Variants in JAM3 observed in about 807,000 individuals in gnomAD.
The protein encoded by JAM3 is junctional adhesion molecule 3.
A neutral mutation model predicts 39.4 loss-of-function variants in JAM3; 31 were observed. The ratio of observed to expected loss-of-function variants is 0.79; its 90% CI spans 0.59 to 1.06. The LOEUF is 1.06. JAM3 is among the 50% of genes least tolerant of loss of function. The pLI is 0.00. For synonymous variants in JAM3, 182 were observed against 148.7 expected (o/e 1.22, Z -1.63); for missense variants, 455 against 391.4 (o/e 1.16, Z -1.37).
chr11:134,093,489 A>G (rs1591777441), intron 1 of JAM3, among the ~76,000 whole-genome samples: 1 of 129,348 alleles, frequency 7.7e-6, no homozygotes, highest in South Asian at 2.6e-4. Context: ...ATCATGTTCC[A>G]TCTTACATGT....
chr11:134,141,668 G>C (rs1281071098), intron 3 of JAM3, among the ~76,000 whole-genome samples: 1 of 152,116 alleles, frequency 6.6e-6, no homozygotes, highest in Non-Finnish European at 1.5e-5. Flanking sequence ...CTTCTGCAGA[G>C]TCCGGGAGAG....
rs567764980 is a variant in JAM3, at chr11:134,088,030, T to C, written c.76+18871T>C. Among the ~76,000 whole-genome samples, 16 of 152,322 alleles carry C rather than the reference T, an allele frequency of 1.1e-4. 1 individual carries two copies. The South Asian group carries it at 3.3e-3, about 32-fold the overall frequency. On this transcript the variant is annotated intron_variant, in intron 1 of 8. Transcript: ENST00000299106. ...TGCCCCATGGGTGGCAGTATCCCAG[T>C]TGGGAACCACTGCTGTAAGACAGGA...
chr11:134,072,362 CAGCTCACTGCAA>C (rs1390071965), intron 1 of JAM3, among the ~76,000 whole-genome samples: 1 of 145,214 alleles, frequency 6.9e-6, no homozygotes, highest in Admixed American at 6.8e-5. Context: ...GGCATGAGCT[CAGCTCACTGCAA>C]AACTCACTGC....
intron 1 of JAM3, among the ~76,000 whole-genome samples, chr11:134,080,400 C>T (rs2120590591): frequency 6.6e-6 from 1 of 152,230 alleles, no homozygotes; most frequent in East Asian, 1.9e-4. Context: ...GCTCTGTGTC[C>T]CCACCCAAAT....
In JAM3 at chr11:134,125,675, G is replaced by T. The variant is rs116792405; in HGVS notation, c.77-14176G>T. ...GCTGAATCGGTGTTGAGAACGTGCT[G>T]TGAGACGCAGCACAGAATGTGAGCC... On this transcript the variant is annotated intron_variant, in intron 1 of 8. Transcript: ENST00000299106. Among the ~76,000 whole-genome samples, 666 of 152,278 alleles carry T rather than the reference G, an allele frequency of 4.4e-3. 2 individuals are homozygous for T. Among genetic ancestry groups the T allele is most frequent in the African/African-American group, 0.015 (610 of 41,560 alleles).
chr11:134,089,100 CGAATT>C (rs1164404091), intron 1 of JAM3, among the ~76,000 whole-genome samples: 1 of 152,122 alleles, frequency 6.6e-6, no homozygotes, highest in African/African-American at 2.4e-5. Context: ...TAGAGGATCT[CGAATT>C]GAATGTCTGT....
At chr11:134,116,937 G>A (rs1942445419) in intron 1 of JAM3, among the ~76,000 whole-genome samples, 1 of 151,982 alleles carries the variant, frequency 6.6e-6, no homozygotes, top group Non-Finnish European at 1.5e-5. Flanking sequence ...AAACTTGGCT[G>A]TCATTACCTA....
At chr11:134,122,645 C>G (rs1251134854) in intron 1 of JAM3, among the ~76,000 whole-genome samples, 2 of 152,174 alleles carry the variant, frequency 1.3e-5, no homozygotes, top group African/African-American at 4.8e-5. Flanking sequence ...TTTTTAATCT[C>G]AAAAGAACCT....
rs79530353 is a variant in JAM3, at chr11:134,133,083, G to A, written c.77-6768G>A. On this transcript the variant is annotated intron_variant, in intron 1 of 8. Coordinates refer to ENST00000299106, the MANE Select transcript of JAM3 (RefSeq NM_032801.5). Reference sequence around the variant, plus strand: ...TTTTACTTGTTGTCAAGATGGATGAGGGTTTCCAAGCTGTTTGCATGCTAG... The same window carrying A: ...TTTTACTTGTTGTCAAGATGGATGAAGGTTTCCAAGCTGTTTGCATGCTAG... 5.2e-3 allele frequency among the ~76,000 whole-genome samples: 795 copies of A among 152,282 alleles called. 4 individuals are homozygous for A. The highest frequency in any genetic ancestry group is 0.014 in the Middle Eastern group (4 of 294).
At chr11:134,069,248 G>A (rs1163098231) in intron 1 of JAM3, 89 bp downstream of exon 1, 2 of 1,515,180 alleles carry the variant, frequency 1.3e-6, no homozygotes, top group Non-Finnish European at 8.9e-7. Context: ...CGGTCCGGGC[G>A]AGGATAGCGG....
intron 1 of JAM3, among the ~76,000 whole-genome samples, chr11:134,113,745 C>G (rs1233224293): frequency 6.6e-6 from 1 of 152,166 alleles, no homozygotes; most frequent in African/African-American, 2.4e-5. Flanking sequence ...ATTTCTAGTT[C>G]TAGATCCCTG....
intron 1 of JAM3, among the ~76,000 whole-genome samples, chr11:134,075,618 G>A (rs1277055461): frequency 6.6e-6 from 1 of 152,088 alleles, no homozygotes. Flanking sequence ...GTAGAAACAA[G>A]GTCTTACTAT....
At chr11:134,089,812 G>A (rs1941812054) in intron 1 of JAM3, among the ~76,000 whole-genome samples, 1 of 152,078 alleles carries the variant, frequency 6.6e-6, no homozygotes, top group Non-Finnish European at 1.5e-5. Context: ...ATAATCCTTT[G>A]GGTATATACC....
intron 1 of JAM3, chr11:134,123,888 TC>T: frequency 1.1e-6 from 1 of 942,568 alleles, no homozygotes; most frequent in Non-Finnish European, 1.8e-6. Context: ...TCAGTATTTC[TC>T]CAAGTAAAGC....
chr11:134,147,419 A>C, intron 6 of JAM3, among the ~76,000 whole-genome samples: 1 of 133,214 alleles, frequency 7.5e-6, no homozygotes, highest in Non-Finnish European at 1.6e-5. Context: ...GCACCACAGA[A>C]CTCCAGCCTG....
In JAM3 at chr11:134,140,786, C is replaced by T. The variant is rs77310154; in HGVS notation, c.256+16C>T. 1.9e-6 allele frequency: 3 copies of T among 1,606,034 alleles called. No individual in the cohort carries two copies. Among genetic ancestry groups the T allele is most frequent in the African/African-American group, 2.7e-5 (2 of 74,730 alleles). ...AAAATTCAGGGTATGATCCTGTAGT[C>T]CTCTTGCCTGCTGACCTTTCCTCTG... On this transcript the variant is annotated intron_variant, in intron 3 of 8. Transcript: ENST00000299106.
At chr11:134,131,295 G>A (rs1405293725) in intron 1 of JAM3, among the ~76,000 whole-genome samples, 2 of 152,182 alleles carry the variant, frequency 1.3e-5, no homozygotes, top group East Asian at 3.9e-4. Flanking sequence ...ACTTAAGACA[G>A]TCTTGATTAT....
At chr11:134,146,093 T>C (rs1025686354) in intron 6 of JAM3, 48 bp downstream of exon 6, 11 of 1,224,626 alleles carry the variant, frequency 9.0e-6, no homozygotes, top group Non-Finnish European at 1.3e-5. Context: ...GGGAAGTGAA[T>C]AGAACATTTT....
intron 1 of JAM3, among the ~76,000 whole-genome samples, chr11:134,100,591 G>A (rs1942056190): frequency 6.6e-6 from 1 of 152,288 alleles, no homozygotes; most frequent in Middle Eastern, 3.4e-3. Flanking sequence ...CCTTGGGTCT[G>A]TACACCACTG....
Sources: allele counts gnomAD v4.1 joint callset (sites outside exome capture counted in the v4.1 genomes callset), GRCh38; gene constraint gnomAD v4.1.1; transcripts MANE v1.5; gene names NCBI Gene and HGNC (gene_info 2026-07-23, HGNC 2026-07-21).